PARP15: variants seen among roughly 807,000 people sequenced by gnomAD.
PARP15 encodes the protein poly(ADP-ribose) polymerase family member 15.
In PARP15, 50 loss-of-function variants were observed where a neutral mutation model predicts 62.1. The observed-to-expected ratio is 0.81, with a 90% CI of 0.64 to 1.02. PARP15 has a LOEUF of 1.02. Ranked by LOEUF, PARP15 falls within the 50% of genes least tolerant of loss-of-function variation. The pLI, the probability that PARP15 is intolerant of heterozygous loss-of-function variation, is 0.00. For missense variants in PARP15, 820 were observed against 826.5 expected (o/e 0.99, Z 0.10); for synonymous variants, 309 against 293.1 (o/e 1.05, Z -0.55).
At chr3:122,634,037 C>A (rs190204111) in intron 10 of PARP15, among the ~76,000 whole-genome samples, 324 of 152,298 alleles carry the variant, frequency 2.1e-3, no homozygotes, top group Middle Eastern at 6.8e-3. Flanking sequence ...TCGTTACTCT[C>A]CCGGAGGCCT....
chr3:122,623,396 A>AC (rs1936474805), intron 8 of PARP15, among the ~76,000 whole-genome samples: 1 of 152,218 alleles, frequency 6.6e-6, no homozygotes, highest in Non-Finnish European at 1.5e-5. Flanking sequence ...TGCAGAGGTC[A>AC]CAGGTGTAGG....
At chr3:122,625,630 A>G (rs933660466) in intron 8 of PARP15, among the ~76,000 whole-genome samples, 2 of 152,228 alleles carry the variant, frequency 1.3e-5, no homozygotes, top group African/African-American at 4.8e-5. Flanking sequence ...TAATGTCCTT[A>G]TAAGAAGAGG....
chr3:122,619,294 A>C (rs1028694886), intron 6 of PARP15, among the ~76,000 whole-genome samples: 2 of 152,224 alleles, frequency 1.3e-5, no homozygotes, highest in African/African-American at 4.8e-5. Flanking sequence ...CCCAGCTGTC[A>C]TTAGACTTGA....
intron 1 of PARP15, among the ~76,000 whole-genome samples, chr3:122,602,111 G>A (rs913239797): frequency 6.6e-6 from 1 of 152,018 alleles, no homozygotes; most frequent in Non-Finnish European, 1.5e-5. Flanking sequence ...CTTTTCTTTT[G>A]TGCCTCTCCC....
chr3:122,613,334 T>C, intron 4 of PARP15, 66 bp downstream of exon 4: 1 of 1,325,090 alleles, frequency 7.5e-7, no homozygotes, highest in Non-Finnish European at 1.1e-6. Context: ...GATGTTTTTA[T>C]AGATCTAGGA....
chr3:122,593,477 T>C (rs1161210367), intron 1 of PARP15, among the ~76,000 whole-genome samples: 1 of 152,130 alleles, frequency 6.6e-6, no homozygotes. Context: ...ATCTATGTTA[T>C]TAAGATAACG....
intron 3 of PARP15, 95 bp from the exon 4 acceptor site, chr3:122,612,946 A>T: frequency 9.3e-7 from 1 of 1,071,260 alleles, no homozygotes; most frequent in African/African-American, 1.6e-5. Flanking sequence ...CAACAATAGC[A>T]GAGAGGTCCT....
At chr3:122,623,674 G>C (rs937671460) in intron 8 of PARP15, among the ~76,000 whole-genome samples, 1 of 152,206 alleles carries the variant, frequency 6.6e-6, no homozygotes, top group African/African-American at 2.4e-5. Context: ...AATACATTGT[G>C]AGATCCTCAA....
At position 122,597,069 on chromosome 3, in the gene PARP15, T is replaced by C. The variant is rs537445425; in HGVS notation, c.187-8867T>C. Among the ~76,000 whole-genome samples, 75 of 152,314 alleles carry C rather than the reference T, an allele frequency of 4.9e-4. 1 individual carries two copies. Among genetic ancestry groups the C allele is most frequent in the South Asian group, 4.6e-3 (22 of 4,818 alleles). ...AATGTATTGCTCATAGTTCTGGCGATTGGAAAGTCCAAGATCAAAACACTA... is the reference window on the plus strand; with the variant it reads ...AATGTATTGCTCATAGTTCTGGCGACTGGAAAGTCCAAGATCAAAACACTA... On this transcript the variant is annotated intron_variant, in intron 1 of 11. Transcript: ENST00000464300.
Position 122,630,589 on chromosome 3 carries a change from G to A in PARP15, c.1439-1497G>A, listed in dbSNP as rs1937008499. The stretch of plus-strand genomic sequence containing the variant: ...AGCTACTGGAAAGGCTGAGGTGGGA[G>A]GATTGCCTGAGCCCAGGAGGTCAAG... On this transcript the variant is annotated intron_variant, in intron 9 of 11. Coordinates refer to ENST00000464300, the MANE Select transcript of PARP15 (RefSeq NM_001113523.3). 2.0e-5 allele frequency among the ~76,000 whole-genome samples: 3 copies of A among 152,156 alleles called. No homozygotes were observed. In the South Asian group the frequency reaches 6.2e-4, roughly 32 times the overall value.
chr3:122,628,897 C>T (rs887658148), intron 9 of PARP15, among the ~76,000 whole-genome samples: 1 of 152,148 alleles, frequency 6.6e-6, no homozygotes. Context: ...TCATATAGCC[C>T]TTTTCCAAAA....
intron 1 of PARP15, chr3:122,595,014 A>G (rs1934223941): frequency 5.0e-6 from 2 of 400,650 alleles, no homozygotes; most frequent in South Asian, 1.0e-4. Flanking sequence ...TTGATGTTCA[A>G]AGTGGTTATT....
At chr3:122,590,297 G>A (rs951916276) in intron 1 of PARP15, among the ~76,000 whole-genome samples, 15 of 151,752 alleles carry the variant, frequency 9.9e-5, no homozygotes, top group Non-Finnish European at 2.2e-4. Context: ...TTTTGAGATG[G>A]GGTCTCGCTC....
At chr3:122,590,551 G>T (rs528769144) in intron 1 of PARP15, among the ~76,000 whole-genome samples, 1 of 152,298 alleles carries the variant, frequency 6.6e-6, no homozygotes, top group African/African-American at 2.4e-5. Context: ...TGGGATTACA[G>T]GCGTGAGCCA....
chr3:122,624,752 G>A (rs771966292), intron 8 of PARP15, among the ~76,000 whole-genome samples: 9 of 152,152 alleles, frequency 5.9e-5, no homozygotes, highest in South Asian at 2.1e-4. Flanking sequence ...GGAAAGTTGC[G>A]TTAGGAATCT....
At chr3:122,593,910 T>C (rs1934142888) in intron 1 of PARP15, among the ~76,000 whole-genome samples, 1 of 152,216 alleles carries the variant, frequency 6.6e-6, no homozygotes, top group African/African-American at 2.4e-5. Context: ...GCATAATTAC[T>C]TCTGCTACTA....
At chr3:122,632,041 C>T (rs1349072314) in intron 9 of PARP15, 45 bp from the exon 10 acceptor site, 1 of 1,613,060 alleles carries the variant, frequency 6.2e-7, no homozygotes, top group Non-Finnish European at 8.5e-7. Context: ...TTTCAGAGGT[C>T]TTTGGAAATG....
intron 9 of PARP15, among the ~76,000 whole-genome samples, chr3:122,628,062 C>T (rs929661602): frequency 6.6e-6 from 1 of 152,226 alleles, no homozygotes; most frequent in Non-Finnish European, 1.5e-5. Context: ...CTCTCATTCT[C>T]TTCTCAGCTA....
chr3:122,600,042 A>C (rs1395758885), intron 1 of PARP15, among the ~76,000 whole-genome samples: 1 of 152,244 alleles, frequency 6.6e-6, no homozygotes, highest in Admixed American at 6.5e-5. Flanking sequence ...ATTTGGTGAG[A>C]AATAACAGGT....
Sources: gnomAD v4.1 joint callset for allele counts (sites outside exome capture counted in the v4.1 genomes callset) on GRCh38, gnomAD v4.1.1 for gene constraint, MANE v1.5 for transcripts, NCBI Gene and HGNC (gene_info 2026-07-23, HGNC 2026-07-21) for gene names.